Variants in HTR1F observed in about 807,000 individuals in gnomAD.
The protein encoded by HTR1F is 5-hydroxytryptamine receptor 1F.
HTR1F carries 17 observed loss-of-function variants against 24.0 expected under a neutral mutation model. The ratio of observed to expected loss-of-function variants is 0.71; its 90% confidence interval spans 0.48 to 1.06. The LOEUF (loss-of-function observed/expected upper bound fraction) is 1.06, where lower values mean the gene tolerates loss of function less well. HTR1F is among the 50% of genes least tolerant of loss of function. The pLI is 0.00. For missense variants in HTR1F, 391 were observed against 427.8 expected, an observed-to-expected ratio of 0.91 and a Z score of 0.76; for synonymous variants, 186 against 156.8, an observed-to-expected ratio of 1.19 and a Z score of -1.39.
intron 2 of HTR1F, among the ~76,000 whole-genome samples, chr3:87,964,631 G>A (rs1200045203): frequency 6.6e-6 from 1 of 152,014 alleles, no homozygotes; most frequent in Non-Finnish European, 1.5e-5. Flanking sequence ...ACAACACTGG[G>A]GCCAGGACTG....
intron 2 of HTR1F, among the ~76,000 whole-genome samples, chr3:87,939,511 T>C (rs964245896): frequency 7.9e-5 from 12 of 152,212 alleles, no homozygotes; most frequent in Admixed American, 3.3e-4. Context: ...CCTGGGCTTT[T>C]TTTGGTTGGT....
chr3:87,851,334 A>G (rs919733000), intron 2 of HTR1F, among the ~76,000 whole-genome samples: 2 of 151,396 alleles, frequency 1.3e-5, no homozygotes, highest in Non-Finnish European at 2.9e-5. Context: ...CTTTGCTTCC[A>G]TTTTACTGAA....
intron 2 of HTR1F, among the ~76,000 whole-genome samples, chr3:87,885,366 A>C (rs1413433038): frequency 2.0e-5 from 3 of 152,188 alleles, no homozygotes; most frequent in Non-Finnish European, 4.4e-5. Flanking sequence ...AATTTATAGC[A>C]CTAAATGCCC....
intron 2 of HTR1F, among the ~76,000 whole-genome samples, chr3:87,909,176 T>G (rs1703724835): frequency 6.6e-6 from 1 of 152,000 alleles, no homozygotes; most frequent in African/African-American, 2.4e-5. Flanking sequence ...CTTCCCCTGC[T>G]GTGCAAAGGA....
chr3:87,949,948 C>T (rs73141263), intron 2 of HTR1F, among the ~76,000 whole-genome samples: 17,106 of 152,106 alleles, frequency 0.11, 1,209 homozygotes, highest in Middle Eastern at 0.16. Context: ...GCAGGCTGGA[C>T]GAGAAGCATG....
intron 2 of HTR1F, among the ~76,000 whole-genome samples, chr3:87,869,434 TACATAGATAGATAGATAGATGATA>T (rs1705504141): frequency 1.1e-5 from 1 of 91,574 alleles, no homozygotes; most frequent in Non-Finnish European, 2.1e-5. Flanking sequence ...GATAGATAGA[TACATAGATAGATAGATAGATGATA>T]GATAGATAGA....
chr3:87,837,892 CTT>C (rs1459105111), intron 2 of HTR1F, among the ~76,000 whole-genome samples: 2 of 151,976 alleles, frequency 1.3e-5, no homozygotes, highest in Middle Eastern at 3.4e-3. Flanking sequence ...TATTTTATCT[CTT>C]ATCCATAATC....
intron 2 of HTR1F, among the ~76,000 whole-genome samples, chr3:87,958,723 G>T (rs1378136848): frequency 6.6e-6 from 1 of 151,530 alleles, no homozygotes; most frequent in Non-Finnish European, 1.5e-5. Flanking sequence ...TCTTAAAAAT[G>T]TCTCTTCCCT....
intron 2 of HTR1F, among the ~76,000 whole-genome samples, chr3:87,985,053 G>C (rs752565454): frequency 1.3e-5 from 2 of 151,862 alleles, no homozygotes; most frequent in Non-Finnish European, 2.9e-5. Flanking sequence ...AGTTACTTGA[G>C]GGCTGGGCAC....
chr3:87,870,987 C>CAAA (rs1180163403), intron 2 of HTR1F, among the ~76,000 whole-genome samples: 1 of 109,424 alleles, frequency 9.1e-6, no homozygotes, highest in African/African-American at 4.9e-5. Flanking sequence ...ACCCAAATCT[C>CAAA]AGAAAAAAAA....
intron 2 of HTR1F, among the ~76,000 whole-genome samples, chr3:87,931,924 A>C (rs1157462406): frequency 6.6e-6 from 1 of 151,678 alleles, no homozygotes; most frequent in Non-Finnish European, 1.5e-5. Context: ...GTTTGAGTTC[A>C]TTGTAGATTC....
intron 1 of HTR1F, among the ~76,000 whole-genome samples, chr3:87,798,378 C>T (rs1703940388): frequency 6.6e-6 from 1 of 152,110 alleles, no homozygotes; most frequent in African/African-American, 2.4e-5. Flanking sequence ...GCCCCCACTC[C>T]AATCTGAATT....
At chr3:87,919,355 C>A (rs1210003908) in intron 2 of HTR1F, among the ~76,000 whole-genome samples, 4 of 151,738 alleles carry the variant, frequency 2.6e-5, no homozygotes, top group African/African-American at 9.7e-5. Context: ...AATGCAATAA[C>A]AACAAAGATA....
intron 1 of HTR1F, among the ~76,000 whole-genome samples, chr3:87,809,191 T>C (rs1704121215): frequency 4.0e-5 from 6 of 151,840 alleles, no homozygotes. Context: ...TTAAAAATAA[T>C]AGAAAATATT....
intron 2 of HTR1F, among the ~76,000 whole-genome samples, chr3:87,978,248 C>G (rs1457480480): frequency 6.6e-6 from 1 of 152,132 alleles, no homozygotes; most frequent in African/African-American, 2.4e-5. Flanking sequence ...GGTGTCATCT[C>G]GAGTGCACCA....
At chr3:87,892,980 A>T (rs141366003) in intron 2 of HTR1F, among the ~76,000 whole-genome samples, 179 of 152,146 alleles carry the variant, frequency 1.2e-3, no homozygotes, top group African/African-American at 3.9e-3. Flanking sequence ...AAAAGAAAAA[A>T]ATATATATAT....
intron 1 of HTR1F, among the ~76,000 whole-genome samples, chr3:87,821,346 C>T (rs1704356618): frequency 6.6e-6 from 1 of 152,150 alleles, no homozygotes; most frequent in Non-Finnish European, 1.5e-5. Context: ...ATAGAAAAGG[C>T]CAGCATCATC....
chr3:87,988,345 A>G (rs2107523933), intron 2 of HTR1F, among the ~76,000 whole-genome samples: 1 of 152,230 alleles, frequency 6.6e-6, no homozygotes, highest in Admixed American at 6.5e-5. Context: ...TACTTCTCAA[A>G]TACACAATAG....
At chr3:87,832,607 C>A (rs1217586924) in intron 2 of HTR1F, among the ~76,000 whole-genome samples, 1 of 152,100 alleles carries the variant, frequency 6.6e-6, no homozygotes, top group East Asian at 1.9e-4. Context: ...GGATTACAGG[C>A]GTGAGCCACC....
Sources: allele counts gnomAD v4.1 joint callset (sites outside exome capture counted in the v4.1 genomes callset), GRCh38; gene constraint gnomAD v4.1.1; transcripts MANE v1.5; gene names NCBI Gene and HGNC (gene_info 2026-07-23, HGNC 2026-07-21).